Variants in NLRX1 observed in about 807,000 individuals in gnomAD.
NLRX1 encodes NOD-like receptor X1.
A neutral mutation model predicts 74.2 loss-of-function variants in NLRX1; 67 were observed. The ratio of observed to expected loss-of-function variants is 0.90; its 90% CI spans 0.74 to 1.11. NLRX1 has a LOEUF of 1.11. Ranked by LOEUF, NLRX1 falls within the 50% of genes least tolerant of loss-of-function variation. The probability of loss-of-function intolerance (pLI) is 0.00; values close to 1 mark genes in which losing one functional copy is unlikely to be tolerated. For synonymous variants in NLRX1, 506 were observed against 559.1 expected (o/e 0.91, Z 1.34); for missense variants, 1,191 against 1,305.4 (o/e 0.91, Z 1.35).
In NLRX1 at chr11:119,174,628, C is replaced by T. The variant is rs1948646918; in HGVS notation, c.1025C>T (p.Ala342Val). 1 of 1,613,984 alleles carries T rather than the reference C, an allele frequency of 6.2e-7. No homozygotes were observed. Among genetic ancestry groups the T allele is most frequent in the African/African-American group, 1.3e-5 (1 of 74,950 alleles). ...GCCGTTGGCGGTTCAGGTGTCTCTG[C>T]CACACCAGCTCAGCGTGACCACCTG... ...GYAVGGSGVS[A>V]TPAQRDHLVQ... Residue 342 changes from alanine to valine, a missense_variant, in exon 6 of 10, where the codon GCC (alanine) becomes GTC (valine). Physicochemically the swap from Ala to Val is moderately conservative, Grantham distance 64. Coordinates refer to ENST00000409109, the MANE Select transcript of NLRX1 (RefSeq NM_001282144.2).
intron 3 of NLRX1, 120 bp downstream of exon 3, chr11:119,172,545 G>C (rs545016598): frequency 4.0e-6 from 3 of 759,368 alleles, no homozygotes; most frequent in Admixed American, 2.2e-5. Flanking sequence ...TGGTCCTTTG[G>C]GGGTGGGAGG....
In NLRX1 at chr11:119,179,689, TCAGGTGG is replaced by T; in HGVS notation, c.1672-3_1675del. ...ACAGTGACTCTCCCCTGCTTCTTTTTCAGGTGGTTCCACGAGTGTTTGGGCGCATGGT... is the reference window on the plus strand; with the variant it reads ...ACAGTGACTCTCCCCTGCTTCTTTTTTTCCACGAGTGTTTGGGCGCATGGT... On this transcript the variant is annotated splice_acceptor_variant and splice_polypyrimidine_tract_variant and coding_sequence_variant and intron_variant, in exon 7 of 10. Coordinates refer to ENST00000409109, the MANE Select transcript of NLRX1 (RefSeq NM_001282144.2). LOFTEE classifies it high-confidence loss of function. The T allele has an allele frequency of 1.3e-6, 2 of 1,533,258 alleles. No homozygotes were observed. The highest frequency in any genetic ancestry group is 3.6e-5 in the Admixed American group (2 of 55,670). The allele number at this position is 1,533,258 out of a possible 1,614,324, so 95.0% of individuals were successfully genotyped here.
Position 119,173,624 on chromosome 11 carries a change from C to T in NLRX1, c.375C>T (p.Arg125=), listed in dbSNP as rs1380022829. 1 of 1,614,124 alleles carries T rather than the reference C, an allele frequency of 6.2e-7. No individual in the cohort carries two copies. The highest frequency in any genetic ancestry group is 8.5e-7 in the Non-Finnish European group (1 of 1,180,042). ...AGAGTACCCCTGATGAGCTACTTCG[C>T]CCACCCGCGGAGCTGGCCCTGGAGC... ...IRESTPDELL[R]PPAELALEHQ... Residue 125 remains arginine, a synonymous_variant, in exon 5 of 10, where the codon CGC becomes CGT. Transcript: ENST00000409109. The surrounding 1 kb of genome is among the most constrained non-coding windows in gnomAD (Gnocchi z 4.0).
chr11:119,173,176 T>C lies in NLRX1; in HGVS notation c.229+187T>C, dbSNP rs1948598417. On this transcript the variant is annotated intron_variant, in intron 4 of 9. Coordinates refer to ENST00000409109, the MANE Select transcript of NLRX1 (RefSeq NM_001282144.2). This position sits in a 1 kb window ranked among gnomAD's most constrained non-coding sequence, Gnocchi z 4.0. ...GCAATACTCTTGCAATGCACACTTA[T>C]ATGTACAAAGCGCTAGGAGAGCCAT... The C allele has an allele frequency of 1.6e-6, 1 of 625,690 alleles. No individual in the cohort carries two copies. The highest frequency in any genetic ancestry group is 2.8e-6 in the Non-Finnish European group (1 of 352,424). The allele number at this position is 625,690 out of a possible 1,614,324, so 38.8% of individuals were successfully genotyped here.
Position 119,173,282 on chromosome 11 carries a change from C to T in NLRX1, c.230-197C>T. 1 of 696,728 alleles carries T rather than the reference C, an allele frequency of 1.4e-6. No individual in the cohort carries two copies. 43.2% of individuals were successfully genotyped at this position (696,728 alleles called of 1,614,324 possible). On this transcript the variant is annotated intron_variant, in intron 4 of 9. Coordinates refer to ENST00000409109, the MANE Select transcript of NLRX1 (RefSeq NM_001282144.2). The surrounding 1 kb of genome is among the most constrained non-coding windows in gnomAD (Gnocchi z 4.0). ...ACTGTGAAACCAGTTTGTCCAGTGGCTTCCCACTTTCTGACATAGGGGTTC... is the reference window on the plus strand; with the variant it reads ...ACTGTGAAACCAGTTTGTCCAGTGGTTTCCCACTTTCTGACATAGGGGTTC...
rs759515461 is a variant in NLRX1 at position 119,172,406 on chromosome 11, C to A, written c.121C>A (p.Arg41Ser). Residue 41 changes from arginine (R) to serine (S), a missense_variant, in exon 3 of 10, where the codon CGT (arginine) becomes AGT (serine). By Grantham distance (110) the Arg-to-Ser change is moderately radical (BLOSUM62 -1). Transcript: ENST00000409109. ...IHWSWPLQGE[R>S]PFGPPRAFIR... is the part of the protein sequence containing the mutation. ...CTGGAGTTGGCCCCTTCAAGGGGAGCGTCCCTTTGGGCCCCCTAGGTGAGG... is the reference window on the plus strand; with the variant it reads ...CTGGAGTTGGCCCCTTCAAGGGGAGAGTCCCTTTGGGCCCCCTAGGTGAGG... 1.9e-6 allele frequency: 3 copies of A among 1,613,288 alleles called. No homozygotes were observed. The highest frequency in any genetic ancestry group is 2.5e-6 in the Non-Finnish European group (3 of 1,179,346).
chr11:119,181,618 AC>A (rs898490398), intron 8 of NLRX1, among the ~76,000 whole-genome samples: 1 of 151,982 alleles, frequency 6.6e-6, no homozygotes, highest in African/African-American at 2.4e-5. Flanking sequence ...CTCAGTAGAC[AC>A]CCCTTAAGTG....
At chr11:119,172,014 G>A (rs559362025) in intron 2 of NLRX1, among the ~76,000 whole-genome samples, 14 of 151,856 alleles carry the variant, frequency 9.2e-5, no homozygotes, top group African/African-American at 3.4e-4. Flanking sequence ...AGCTACATAA[G>A]TCTAGGAACT....
rs1255864705 is a variant in NLRX1 at position 119,180,163 on chromosome 11, A to G, written c.2142A>G (p.Thr714=). Residue 714 remains threonine (T), a synonymous_variant, in exon 7 of 10, where the codon ACA becomes ACG. Coordinates refer to ENST00000409109, the MANE Select transcript of NLRX1 (RefSeq NM_001282144.2). ...TGCGCATGACACCAGTCAAGTGCAC[A>G]GTGGTGGCAGCTGTGCTGGGCAGCG... ...AGVRMTPVKC[T]VVAAVLGSGR... is the part of the protein sequence containing the mutation. 10 of 1,613,410 alleles carry G rather than the reference A, an allele frequency of 6.2e-6. No homozygotes were observed. The highest frequency in any genetic ancestry group is 6.8e-6 in the Non-Finnish European group (8 of 1,179,698).
At position 119,183,222 on chromosome 11, in the gene NLRX1, C is replaced by T. The variant is rs200586440; in HGVS notation, c.2711C>T (p.Thr904Met). The T allele has an allele frequency of 8.0e-5, 129 of 1,614,172 alleles. No individual in the cohort carries two copies. The highest frequency in any genetic ancestry group is 9.2e-5 in the Non-Finnish European group (109 of 1,180,028). Residue 904 changes from threonine to methionine, a missense_variant, in exon 10 of 10, where the codon ACG becomes ATG. Physicochemically the swap from Thr to Met is moderately conservative, Grantham distance 81 (BLOSUM62 -1). Coordinates refer to ENST00000409109, the MANE Select transcript of NLRX1 (RefSeq NM_001282144.2). The surrounding 1 kb of genome is among the most constrained non-coding windows in gnomAD (Gnocchi z 5.7). ...ARVVVSLTEG[T>M]AVSEYWSVIL... ...GTGGTGGTGTCACTGACAGAGGGGA[C>T]GGCGGTGTCAGAATACTGGTCAGTG...
Position 119,173,631 on chromosome 11 carries a change from G to T in NLRX1, c.382G>T (p.Ala128Ser). The T allele has an allele frequency of 6.2e-7, 1 of 1,614,064 alleles. No homozygotes were observed. The highest frequency in any genetic ancestry group is 8.5e-7 in the Non-Finnish European group (1 of 1,180,018). The change falls in exon 5 of 10, where the codon GCG becomes TCG. Residue 128 changes from alanine to serine, a missense_variant. Coordinates refer to ENST00000409109, the MANE Select transcript of NLRX1 (RefSeq NM_001282144.2). The surrounding 1 kb of genome is among the most constrained non-coding windows in gnomAD (Gnocchi z 4.0). ...STPDELLRPPAELALEHQPPQ... is the reference protein window; with the variant it reads ...STPDELLRPPSELALEHQPPQ... ...CCCTGATGAGCTACTTCGCCCACCC[G>T]CGGAGCTGGCCCTGGAGCATCAGCC...
chr11:119,173,516 G>T lies in NLRX1; in HGVS notation c.267G>T (p.Trp89Cys). The T allele has an allele frequency of 6.2e-7, 1 of 1,614,036 alleles. No individual in the cohort carries two copies. Among genetic ancestry groups the T allele is most frequent in the South Asian group, 1.1e-5 (1 of 91,088 alleles). ...IQRHRRNLAE[W>C]FSRLPREERQ... ...GGCACCGCCGGAACCTGGCTGAGTG[G>T]TTCAGCCGGCTGCCCAGGGAGGAGC... is the stretch of plus-strand genomic sequence containing the variant. Residue 89 changes from tryptophan (W) to cysteine (C), a missense_variant, in exon 5 of 10, where the codon TGG becomes TGT. Trp to Cys is a radical substitution (Grantham distance 215). Transcript: ENST00000409109. The surrounding 1 kb of genome is among the most constrained non-coding windows in gnomAD (Gnocchi z 4.0).
In NLRX1 at chr11:119,173,925, G is replaced by C. The variant is rs376883805; in HGVS notation, c.676G>C (p.Val226Leu). The C allele has an allele frequency of 9.3e-6, 15 of 1,613,682 alleles. No homozygotes were observed. The highest frequency in any genetic ancestry group is 1.3e-5 in the Non-Finnish European group (15 of 1,180,042). ...VAQRYTPLKE[V>L]LPLMAAAGSH... is the part of the protein sequence containing the mutation. The stretch of plus-strand genomic sequence containing the variant: ...CCAGCGCTACACGCCCCTGAAGGAG[G>C]TTCTGCCCCTGATGGCTGCTGCTGG... Residue 226 changes from valine (V) to leucine (L), a missense_variant, in exon 5 of 10, where the codon GTT becomes CTT. Physicochemically the swap from Val to Leu is conservative, Grantham distance 32. Coordinates refer to ENST00000409109, the MANE Select transcript of NLRX1 (RefSeq NM_001282144.2). The surrounding 1 kb of genome is among the most constrained non-coding windows in gnomAD (Gnocchi z 4.0).
At chr11:119,175,723 G>C (rs1948687851) in intron 6 of NLRX1, among the ~76,000 whole-genome samples, 1 of 152,176 alleles carries the variant, frequency 6.6e-6, no homozygotes. Flanking sequence ...TTATAAAGCA[G>C]ATGCCATTTT....
chr11:119,170,848 A>G (rs1287176057), intron 1 of NLRX1, among the ~76,000 whole-genome samples: 1 of 152,224 alleles, frequency 6.6e-6, no homozygotes, highest in Non-Finnish European at 1.5e-5. Context: ...GGGAGAGGCA[A>G]GACGTGGCAG....
chr11:119,173,677 CA>C lies in NLRX1; in HGVS notation c.429del (p.Leu144TrpfsTer80). 6.2e-7 allele frequency: 1 copy of C among 1,614,118 alleles called. No homozygotes were observed. Among genetic ancestry groups the C allele is most frequent in the Non-Finnish European group, 8.5e-7 (1 of 1,180,024 alleles). On this transcript the variant is annotated frameshift_variant, in exon 5 of 10. Transcript: ENST00000409109. LOFTEE classifies it high-confidence loss of function. The surrounding 1 kb of genome is among the most constrained non-coding windows in gnomAD (Gnocchi z 4.0). ...EHQPPQAGLP[P>X]LALSQLFNPD... ...CAGCCACCCCAGGCCGGGCTCCCCC[CA>C]CTGGCCTTGTCTCAGCTCTTTAACC...
chr11:119,183,593 G>C lies in NLRX1; in HGVS notation c.*154G>C. The C allele has an allele frequency of 1.3e-6, 1 of 767,852 alleles. No individual in the cohort carries two copies. Among genetic ancestry groups the C allele is most frequent in the Non-Finnish European group, 2.3e-6 (1 of 444,320 alleles). 47.6% of individuals were successfully genotyped at this position (767,852 alleles called of 1,614,324 possible). A position where few individuals can be genotyped will look rare whatever the true frequency, so the allele number is the denominator to read the frequency against. On this transcript the variant is annotated 3_prime_UTR_variant, in exon 10 of 10. Transcript: ENST00000409109. The surrounding 1 kb of genome is among the most constrained non-coding windows in gnomAD (Gnocchi z 5.7). ...TGAGCCAGTTGCCCTCCTAGGGCAT[G>C]TTTGACCAGGACTGAGTCTGGAATC...
In NLRX1 at chr11:119,179,866, T is replaced by A. The variant is rs1409330522; in HGVS notation, c.1845T>A (p.Pro615=). The A allele has an allele frequency of 6.2e-7, 1 of 1,613,650 alleles. No individual in the cohort carries two copies. The highest frequency in any genetic ancestry group is 8.5e-7 in the Non-Finnish European group (1 of 1,179,888). ...EGPRRHPDEP[P]EDEVFELFPM... ...CCCGGCGCCACCCAGATGAGCCCCC[T>A]GAGGATGAAGTCTTCGAGCTCTTCC... is the stretch of plus-strand genomic sequence containing the variant. Residue 615 remains proline, a synonymous_variant, in exon 7 of 10, where the codon CCT becomes CCA. Coordinates refer to ENST00000409109, the MANE Select transcript of NLRX1 (RefSeq NM_001282144.2).
At position 119,171,344 on chromosome 11, in the gene NLRX1, T is replaced by G; in HGVS notation, c.-48-12T>G. On this transcript the variant is annotated splice_polypyrimidine_tract_variant and intron_variant, in intron 1 of 9. Coordinates refer to ENST00000409109, the MANE Select transcript of NLRX1 (RefSeq NM_001282144.2). ...TGGTGGCAGTGATCCATTCGTACTA[T>G]TCTTCTTGCAGGACAGAAGTCGGTC... The G allele has an allele frequency of 3.1e-6, 5 of 1,596,480 alleles. No homozygotes were observed. In the South Asian group the frequency reaches 5.5e-5, roughly 18 times the overall value.
Sources: allele counts gnomAD v4.1 joint callset (sites outside exome capture counted in the v4.1 genomes callset), GRCh38; gene constraint gnomAD v4.1.1; non-coding constraint Gnocchi (gnomAD v3.1); transcripts MANE v1.5; gene names NCBI Gene and HGNC (gene_info 2026-07-23, HGNC 2026-07-21).